The following TLE3 variants were observed in gnomAD, a reference collection of about 807,000 sequenced individuals.
The protein encoded by TLE3 is TLE family member 3, transcriptional corepressor.
Under a neutral mutation model 93.0 loss-of-function variants are expected in TLE3, and 14 were observed. The observed-to-expected ratio is 0.15, with a 90% CI of 0.10 to 0.24. The LOEUF (loss-of-function observed/expected upper bound fraction) is 0.24, where lower values mean the gene tolerates loss of function less well. Among genes scored for constraint, TLE3 ranks in the 10% least tolerant of loss-of-function variants. The pLI, the probability that TLE3 is intolerant of heterozygous loss-of-function variation, is 1.00. For missense variants in TLE3, 693 were observed against 1,046.6 expected (o/e 0.66, Z 4.66); for synonymous variants, 451 against 425.0 (o/e 1.06, Z -0.75).
rs1375239518 is a variant in TLE3 at position 70,066,994 on chromosome 15, A to C, written c.373-776T>G. ...AGGATTATTGTAAGATAATGTTTGC[A>C]GCAGCTCATGGCGCACAGCTACTAA... On this transcript the variant is annotated intron_variant, in intron 6 of 19. Transcript: ENST00000451782. 2.8e-5 allele frequency: 7 copies of C among 251,344 alleles called. No homozygotes were observed. In the East Asian group the frequency reaches 6.9e-4, roughly 25 times the overall value. The allele number at this position is 251,344 out of a possible 1,614,324, so 15.6% of individuals were successfully genotyped here.
intron 3 of TLE3, 187 bp downstream of exon 3, chr15:70,095,391 C>G: frequency 2.0e-6 from 3 of 1,466,056 alleles, no homozygotes; most frequent in South Asian, 2.8e-5. Context: ...CTCACTCACC[C>G]TCCTCCAAGT....
chr15:70,068,612 G>C (rs925237890), intron 6 of TLE3, among the ~76,000 whole-genome samples: 2 of 152,236 alleles, frequency 1.3e-5, no homozygotes, highest in African/African-American at 4.8e-5. Context: ...GGAGGGGAAA[G>C]AAGGCTTCAA....
chr15:70,052,886 C>T (rs925874721), intron 17 of TLE3: 30 of 318,202 alleles, frequency 9.4e-5, no homozygotes, highest in East Asian at 8.1e-4. Flanking sequence ...TTTATGGCTA[C>T]GCCTTTTAGA....
intron 10 of TLE3, among the ~76,000 whole-genome samples, chr15:70,059,074 A>G (rs1717149500): frequency 6.6e-6 from 1 of 152,182 alleles, no homozygotes; most frequent in Non-Finnish European, 1.5e-5. Context: ...GGCCAAATGT[A>G]GATGCTCTCC....
chr15:70,074,043 T>C (rs917605746), intron 6 of TLE3, among the ~76,000 whole-genome samples: 4 of 152,248 alleles, frequency 2.6e-5, no homozygotes, highest in African/African-American at 7.2e-5. Flanking sequence ...GCTTCGCGCA[T>C]GGGACAGCAA....
At chr15:70,089,971 T>C (rs1426921818) in intron 4 of TLE3, among the ~76,000 whole-genome samples, 1 of 152,188 alleles carries the variant, frequency 6.6e-6, no homozygotes, top group Non-Finnish European at 1.5e-5. Context: ...TCCCACCCGT[T>C]GATCTGTAAA....
Position 70,066,018 on chromosome 15 carries a change from G to A in TLE3, c.573C>T (p.His191=), listed in dbSNP as rs765272105. The part of the protein sequence containing the change: ...KDEKNHHELD[H]RERESSANNS... ...TCTGCCCCAGCCCAGCCGCACCTCTGTGATCGAGTTCATGGTGGTTCTTCT... is the reference window on the plus strand; with the variant it reads ...TCTGCCCCAGCCCAGCCGCACCTCTATGATCGAGTTCATGGTGGTTCTTCT... The change falls in exon 7 of 20, where the codon CAC becomes CAT. Residue 191 remains histidine, a synonymous_variant. Transcript: ENST00000451782. 4.8e-5 allele frequency: 77 copies of A among 1,611,090 alleles called. 1 individual carries two copies. The highest frequency in any genetic ancestry group is 6.4e-5 in the Non-Finnish European group (76 of 1,178,342).
At chr15:70,095,677 C>T (rs2058519901) in intron 2 of TLE3, 36 bp from the exon 3 acceptor site, 2 of 1,549,562 alleles carry the variant, frequency 1.3e-6, no homozygotes, top group South Asian at 2.4e-5. Flanking sequence ...AGGCGTGGCG[C>T]CTGGACAGCC....
At chr15:70,075,981 G>GAAT (rs1305241650) in intron 5 of TLE3, 115 bp downstream of exon 5, 2 of 958,226 alleles carry the variant, frequency 2.1e-6, no homozygotes, top group Non-Finnish European at 1.6e-6. Context: ...CAGTCAGTAT[G>GAAT]AATGGACAGG....
In TLE3 at chr15:70,047,795, CTTCAAG is replaced by C. The variant is rs2055207780; in HGVS notation, c.*2296_*2301del. The C allele has an allele frequency of 6.6e-6, 1 of 152,226 alleles. No individual in the cohort carries two copies. Among genetic ancestry groups the C allele is most frequent in the Non-Finnish European group, 1.5e-5 (1 of 68,044 alleles). The allele number at this position is 152,226 out of a possible 1,614,324, so 9.4% of individuals were successfully genotyped here. A position where few individuals can be genotyped will look rare whatever the true frequency, so the allele number is the denominator to read the frequency against. On this transcript the variant is annotated 3_prime_UTR_variant, in exon 20 of 20. Transcript: ENST00000451782. ...TGTTCACAGACACTTTGCAGTTTCG[CTTCAAG>C]TTCATTACGTTTAATTTTTTTCCAA...
At chr15:70,054,403 G>A (rs2055833112) in intron 16 of TLE3, 35 bp downstream of exon 16, 2 of 1,591,828 alleles carry the variant, frequency 1.3e-6, no homozygotes, top group African/African-American at 2.7e-5. Flanking sequence ...AACTTCCCCA[G>A]GACGAGGCAC....
intron 14 of TLE3, chr15:70,055,595 A>C: frequency 6.7e-4 from 204 of 305,288 alleles, no homozygotes; most frequent in East Asian, 1.0e-3. Context: ...TTCCCCCAAC[A>C]TGCCAACCCT....
At chr15:70,062,481 A>G (rs990205315) in intron 8 of TLE3, among the ~76,000 whole-genome samples, 4 of 150,290 alleles carry the variant, frequency 2.7e-5, no homozygotes, top group African/African-American at 7.4e-5. Flanking sequence ...CAGGCTGAAA[A>G]CCCTCGCCGC....
intron 10 of TLE3, 70 bp downstream of exon 10, chr15:70,059,340 C>A: frequency 6.5e-7 from 1 of 1,531,466 alleles, no homozygotes; most frequent in Non-Finnish European, 8.9e-7. Flanking sequence ...AGAATAGATC[C>A]CACCCTGGGG....
intron 7 of TLE3, among the ~76,000 whole-genome samples, chr15:70,065,573 C>T (rs1381825580): frequency 1.3e-5 from 2 of 152,220 alleles, no homozygotes; most frequent in Non-Finnish European, 2.9e-5. Flanking sequence ...AACTAATGAT[C>T]GTGGTGAGCA....
chr15:70,065,665 G>A (rs760673856), intron 7 of TLE3, among the ~76,000 whole-genome samples: 1 of 152,208 alleles, frequency 6.6e-6, no homozygotes, highest in South Asian at 2.1e-4. Context: ...ACTCTTACAG[G>A]AACTTGAAAA....
intron 8 of TLE3, among the ~76,000 whole-genome samples, chr15:70,064,067 A>T (rs1567007737): frequency 1.3e-5 from 2 of 152,198 alleles, no homozygotes; most frequent in Non-Finnish European, 1.5e-5. Flanking sequence ...TCAGAGTATC[A>T]CCTCTCATAT....
At position 70,066,050 on chromosome 15, in the gene TLE3, T is replaced by G; in HGVS notation, c.541A>C (p.Lys181Gln). The G allele has an allele frequency of 6.2e-7, 1 of 1,610,778 alleles. No individual in the cohort carries two copies. Among genetic ancestry groups the G allele is most frequent in the Non-Finnish European group, 8.5e-7 (1 of 1,178,246 alleles). ...AGTTCATGGTGGTTCTTCTCATCCT[T>G]CACCGTCAGATGGGCCTGGCTGCCC... ...ALGSQAHLTV[K>Q]DEKNHHELDH... The change falls in exon 7 of 20, where the codon AAG becomes CAG. Residue 181 changes from lysine to glutamine, a missense_variant. Coordinates refer to ENST00000451782, the MANE Select transcript of TLE3 (RefSeq NM_001105192.3).
At chr15:70,075,033 G>T (rs970956756) in intron 5 of TLE3, among the ~76,000 whole-genome samples, 4 of 152,234 alleles carry the variant, frequency 2.6e-5, no homozygotes, top group African/African-American at 9.7e-5. Flanking sequence ...AGTTAGTGGT[G>T]AATTGTCAGG....
Sources: allele counts gnomAD v4.1 joint callset (sites outside exome capture counted in the v4.1 genomes callset), GRCh38; gene constraint gnomAD v4.1.1; transcripts MANE v1.5; gene names NCBI Gene and HGNC (gene_info 2026-07-23, HGNC 2026-07-21).